The following PLPPR1 variants were observed in gnomAD, a reference collection of about 807,000 sequenced individuals.
PLPPR1 encodes the protein phospholipid phosphatase related 1.
In PLPPR1, 10 loss-of-function variants were observed where a neutral mutation model predicts 33.1. That is an observed-to-expected ratio of 0.30 (90% CI 0.19 to 0.51). The LOEUF (loss-of-function observed/expected upper bound fraction) is 0.51, where lower values mean the gene tolerates loss of function less well. Among genes scored for constraint, PLPPR1 ranks in the 20% least tolerant of loss-of-function variants. PLPPR1 has a pLI of 0.97. For synonymous variants in PLPPR1, 151 were observed against 151.0 expected (o/e 1.00, Z 0.00); for missense variants, 304 against 408.1 (o/e 0.74, Z 2.20).
In PLPPR1 at chr9:101,045,497, G is replaced by C. The variant is rs1830133152; in HGVS notation, c.-46+16395G>C. Among the ~76,000 whole-genome samples, 5 of 152,348 alleles carry C rather than the reference G, an allele frequency of 3.3e-5. No individual in the cohort carries two copies. The South Asian group carries it at 1.0e-3, about 32-fold the overall frequency. ...CTGAGCTTCTGAGAGTTGGAAGCTA[G>C]ATGCCTAATTGGCAATAGGTAGGGA... On this transcript the variant is annotated intron_variant, in intron 1 of 7. Transcript: ENST00000374874.
intron 4 of PLPPR1, among the ~76,000 whole-genome samples, chr9:101,291,353 G>T (rs1336552647): frequency 6.6e-6 from 1 of 152,218 alleles, no homozygotes; most frequent in Non-Finnish European, 1.5e-5. Flanking sequence ...CTCCACCTCT[G>T]GGGGCAGGGC....
intron 1 of PLPPR1, among the ~76,000 whole-genome samples, chr9:101,094,818 C>A (rs918795659): frequency 1.3e-5 from 2 of 152,130 alleles, no homozygotes. Flanking sequence ...CACTGTGTCA[C>A]CAACCCACAA....
intron 4 of PLPPR1, among the ~76,000 whole-genome samples, chr9:101,307,858 C>G (rs1828882984): frequency 6.6e-6 from 1 of 152,146 alleles, no homozygotes; most frequent in Non-Finnish European, 1.5e-5. Context: ...CAACTTCTAC[C>G]TTCAATTGCA....
At chr9:101,046,098 T>C (rs79302376) in intron 1 of PLPPR1, among the ~76,000 whole-genome samples, 3,722 of 152,310 alleles carry the variant, frequency 0.024, 152 homozygotes, top group East Asian at 0.14. Context: ...TCTATGTGTC[T>C]GTAAGTGCAC....
At chr9:101,130,375 A>G (rs1233953130) in intron 1 of PLPPR1, among the ~76,000 whole-genome samples, 2 of 152,164 alleles carry the variant, frequency 1.3e-5, no homozygotes, top group East Asian at 1.9e-4. Flanking sequence ...TATCAGCTGC[A>G]TAACCCCAGG....
chr9:101,202,910 G>A (rs1564174518), intron 2 of PLPPR1, among the ~76,000 whole-genome samples: 1 of 152,262 alleles, frequency 6.6e-6, no homozygotes, highest in South Asian at 2.1e-4. Context: ...GCACAGATTC[G>A]CTCTTGTAAG....
intron 4 of PLPPR1, among the ~76,000 whole-genome samples, chr9:101,304,677 A>T (rs1165597984): frequency 6.6e-6 from 1 of 152,188 alleles, no homozygotes; most frequent in Admixed American, 6.5e-5. Flanking sequence ...TCATCAGCAG[A>T]AGTGTGACTT....
chr9:101,232,477 C>CT (rs999990705), intron 2 of PLPPR1, among the ~76,000 whole-genome samples: 316 of 142,648 alleles, frequency 2.2e-3, no homozygotes, highest in Non-Finnish European at 2.2e-3. Flanking sequence ...TCTTCCTCCT[C>CT]TTTTTTTTTT....
intron 6 of PLPPR1, among the ~76,000 whole-genome samples, chr9:101,313,553 C>T (rs898881289): frequency 1.3e-5 from 2 of 152,156 alleles, no homozygotes; most frequent in African/African-American, 2.4e-5. Flanking sequence ...GCTAAACTGG[C>T]TTCTCAACCA....
chr9:101,089,584 G>A (rs77800991), intron 1 of PLPPR1, among the ~76,000 whole-genome samples: 3,152 of 152,142 alleles, frequency 0.021, 114 homozygotes, highest in African/African-American at 0.072. Flanking sequence ...TAAAAATGTA[G>A]TATGAACATT....
intron 1 of PLPPR1, among the ~76,000 whole-genome samples, chr9:101,160,470 G>C (rs1295003652): frequency 6.6e-6 from 1 of 152,064 alleles, no homozygotes; most frequent in Non-Finnish European, 1.5e-5. Context: ...ATCAAAATGA[G>C]AGCTTTCACA....
intron 2 of PLPPR1, 75 bp from the exon 3 acceptor site, chr9:101,269,804 AG>A (rs1828061012): frequency 1.5e-5 from 21 of 1,379,476 alleles, no homozygotes; most frequent in Non-Finnish European, 2.2e-5. Flanking sequence ...GGGGTGATGG[AG>A]GGAGTGTGCT....
At chr9:101,050,018 G>A (rs907637828) in intron 1 of PLPPR1, among the ~76,000 whole-genome samples, 8 of 151,164 alleles carry the variant, frequency 5.3e-5, no homozygotes, top group African/African-American at 1.2e-4. Flanking sequence ...CCAGCTACTC[G>A]GGAGGCTGAG....
chr9:101,295,718 A>C (rs1771804393), intron 4 of PLPPR1, among the ~76,000 whole-genome samples: 1 of 152,062 alleles, frequency 6.6e-6, no homozygotes, highest in Admixed American at 6.6e-5. Flanking sequence ...TCCCTATTTA[A>C]TAAATGGTGC....
chr9:101,161,060 G>C (rs1051970709), intron 1 of PLPPR1, among the ~76,000 whole-genome samples: 19 of 152,164 alleles, frequency 1.2e-4, no homozygotes, highest in African/African-American at 4.6e-4. Flanking sequence ...CATCAGCACA[G>C]TTTTTTGCCC....
chr9:101,198,887 G>A (rs1265160285), intron 2 of PLPPR1, among the ~76,000 whole-genome samples: 1 of 152,204 alleles, frequency 6.6e-6, no homozygotes, highest in Admixed American at 6.5e-5. Context: ...GGCAAGGTAG[G>A]CAGAGGCCAA....
At chr9:101,318,955 G>A (rs889112308) in intron 7 of PLPPR1, among the ~76,000 whole-genome samples, 2 of 151,992 alleles carry the variant, frequency 1.3e-5, no homozygotes, top group African/African-American at 2.4e-5. Flanking sequence ...AGCTGAGCCC[G>A]GCTAAAGTGT....
chr9:101,039,370 T>C (rs1830048950), intron 1 of PLPPR1, among the ~76,000 whole-genome samples: 1 of 152,136 alleles, frequency 6.6e-6, no homozygotes, highest in African/African-American at 2.4e-5. Context: ...ATAAATAAAT[T>C]ACTTGCCTGA....
intron 1 of PLPPR1, among the ~76,000 whole-genome samples, chr9:101,082,791 C>T (rs1166124687): frequency 6.6e-6 from 1 of 152,164 alleles, no homozygotes; most frequent in Non-Finnish European, 1.5e-5. Context: ...TGACTTGGAT[C>T]AAGCAAGTTA....
Sources: allele counts gnomAD v4.1 joint callset (sites outside exome capture counted in the v4.1 genomes callset), GRCh38; gene constraint gnomAD v4.1.1; transcripts MANE v1.5; gene names NCBI Gene and HGNC (gene_info 2026-07-23, HGNC 2026-07-21).